EPC1: variants seen among roughly 807,000 people sequenced by gnomAD.
EPC1 encodes the protein enhancer of polycomb 1, also known as enhancer of polycomb homolog 1.
In EPC1, 12 loss-of-function variants were observed where a neutral mutation model predicts 98.4. The ratio of observed to expected loss-of-function variants is 0.12; its 90% confidence interval spans 0.08 to 0.20. The LOEUF (loss-of-function observed/expected upper bound fraction) is 0.20. Ranked by LOEUF, EPC1 falls within the 10% of genes least tolerant of loss-of-function variation. The probability of loss-of-function intolerance (pLI) is 1.00; values close to 1 mark genes in which losing one functional copy is unlikely to be tolerated. For missense variants in EPC1, 729 were observed against 990.5 expected, an observed-to-expected ratio of 0.74 and a Z score of 3.54; for synonymous variants, 357 against 363.9, an observed-to-expected ratio of 0.98 and a Z score of 0.21.
intron 1 of EPC1, among the ~76,000 whole-genome samples, chr10:32,366,144 C>G (rs895610041): frequency 1.3e-5 from 2 of 152,088 alleles, no homozygotes; most frequent in African/African-American, 4.8e-5. Context: ...AAAACAACAA[C>G]AACAACGACC....
chr10:32,345,564 T>C (rs1838714653), intron 1 of EPC1: 1 of 985,448 alleles, frequency 1.0e-6, no homozygotes, highest in Non-Finnish European at 1.2e-6. Context: ...TGGCTGTACC[T>C]GAAAACCAAG....
chr10:32,291,383 T>C (rs1834839558), intron 5 of EPC1, 61 bp from the exon 6 acceptor site: 3 of 1,288,876 alleles, frequency 2.3e-6, no homozygotes, highest in Non-Finnish European at 3.2e-6. Flanking sequence ...ATGTGATGTT[T>C]TGATATACAT....
At chr10:32,280,231 G>T (rs1836331334) in intron 10 of EPC1, among the ~76,000 whole-genome samples, 1 of 152,152 alleles carries the variant, frequency 6.6e-6, no homozygotes, top group African/African-American at 2.4e-5. Flanking sequence ...AAGGTAGGCG[G>T]ATCACTTGAG....
chr10:32,345,184 A>G (rs895856443), intron 1 of EPC1: 52 of 984,014 alleles, frequency 5.3e-5, no homozygotes, highest in Non-Finnish European at 5.9e-5. Flanking sequence ...ATGCTACTCT[A>G]AAGTTGATAC....
At chr10:32,295,510 C>G (rs1835100445) in intron 2 of EPC1, among the ~76,000 whole-genome samples, 1 of 152,180 alleles carries the variant, frequency 6.6e-6, no homozygotes, top group African/African-American at 2.4e-5. Context: ...GTTAACATCT[C>G]TGTACTCACA....
At chr10:32,329,195 G>A (rs1390654159) in intron 1 of EPC1, among the ~76,000 whole-genome samples, 1 of 152,194 alleles carries the variant, frequency 6.6e-6, no homozygotes, top group Non-Finnish European at 1.5e-5. Context: ...CTTCTGGCCA[G>A]AGCATCTTAA....
At chr10:32,346,637 G>A in intron 1 of EPC1, 126 bp downstream of exon 1, 1 of 975,002 alleles carries the variant, frequency 1.0e-6, no homozygotes, top group Non-Finnish European at 1.5e-6. Flanking sequence ...GGCCCGGCCG[G>A]CGACTGAGAG....
intron 13 of EPC1, 134 bp downstream of exon 13, chr10:32,271,420 C>A: frequency 9.8e-7 from 1 of 1,016,214 alleles, no homozygotes; most frequent in Non-Finnish European, 1.4e-6. Flanking sequence ...AATAAGTGAT[C>A]AATTCTCAAC....
chr10:32,329,374 T>C (rs1837501097), intron 1 of EPC1, among the ~76,000 whole-genome samples: 1 of 152,236 alleles, frequency 6.6e-6, no homozygotes, highest in African/African-American at 2.4e-5. Context: ...CAGAACTTTG[T>C]TGCAAAGCCA....
At chr10:32,309,397 A>G (rs1050920438) in intron 1 of EPC1, among the ~76,000 whole-genome samples, 9 of 152,124 alleles carry the variant, frequency 5.9e-5, no homozygotes, top group Non-Finnish European at 1.3e-4. Context: ...TACTCCCTAA[A>G]TATCTATACC....
intron 6 of EPC1, among the ~76,000 whole-genome samples, chr10:32,287,930 A>G (rs1836777546): frequency 6.6e-6 from 1 of 152,212 alleles, no homozygotes; most frequent in Admixed American, 6.5e-5. Flanking sequence ...GAGCTGATGG[A>G]ACACAGCATG....
chr10:32,346,749 G>A lies in EPC1; in HGVS notation c.153+14C>T, dbSNP rs374294523. On this transcript the variant is annotated intron_variant, in intron 1 of 13. Coordinates refer to ENST00000319778, the MANE Select transcript of EPC1 (RefSeq NM_001272004.3). ...GGGCCTGACGGTGGGTCGGACAGGG[G>A]AGTTAACACGTACCGACTCCTCTTC... 2.5e-6 allele frequency: 4 copies of A among 1,613,170 alleles called. No homozygotes were observed. In the South Asian group the frequency reaches 4.4e-5, roughly 18 times the overall value.
rs533993787 is a variant in EPC1, at chr10:32,267,888, G to A, written c.*1175C>T. The A allele has an allele frequency of 1.3e-5, 2 of 152,308 alleles. No individual in the cohort carries two copies. The highest frequency in any genetic ancestry group is 1.9e-4 in the East Asian group (1 of 5,182). 9.4% of individuals were successfully genotyped at this position (152,308 alleles called of 1,614,324 possible). Reference sequence around the variant, plus strand: ...AGACTTCGGTACTGACAAAGCACTAGTAGTAGTCTGTTAAGTACCATTCTC... The same window carrying A: ...AGACTTCGGTACTGACAAAGCACTAATAGTAGTCTGTTAAGTACCATTCTC... On this transcript the variant is annotated 3_prime_UTR_variant, in exon 14 of 14. Transcript: ENST00000319778.
chr10:32,378,541 T>A, exon 1 of EPC1: 1 of 1,483,032 alleles, frequency 6.7e-7, no homozygotes, highest in South Asian at 1.3e-5. Flanking sequence ...ATTGTAACAA[T>A]ATAGGCTGGA....
intron 2 of EPC1, among the ~76,000 whole-genome samples, chr10:32,296,804 G>C (rs1039888984): frequency 6.6e-6 from 1 of 152,066 alleles, no homozygotes; most frequent in Non-Finnish European, 1.5e-5. Context: ...CTACTCGGGA[G>C]GTTGAGGCAG....
intron 1 of EPC1, among the ~76,000 whole-genome samples, chr10:32,309,370 T>C (rs1836064713): frequency 6.6e-6 from 1 of 152,074 alleles, no homozygotes; most frequent in African/African-American, 2.4e-5. Context: ...TGTATGCCCC[T>C]ATCAAAACAT....
chr10:32,347,221 G>A (rs1283978616), upstream of EPC1: 4 of 1,226,480 alleles, frequency 3.3e-6, no homozygotes, highest in Admixed American at 4.3e-5. Context: ...GGGCACGCGG[G>A]CGGGGGGAGG....
intron 1 of EPC1, among the ~76,000 whole-genome samples, chr10:32,321,032 CTT>C (rs1314714863): frequency 1.3e-5 from 2 of 152,088 alleles, no homozygotes; most frequent in African/African-American, 4.8e-5. Flanking sequence ...ATAATGAGGT[CTT>C]TTTCAGTTAG....
intron 1 of EPC1, among the ~76,000 whole-genome samples, chr10:32,311,352 C>A (rs988840803): frequency 8.6e-5 from 13 of 151,656 alleles, no homozygotes; most frequent in Non-Finnish European, 1.6e-4. Flanking sequence ...GAAAATACTA[C>A]AAAATATTGC....
Sources: allele counts gnomAD v4.1 joint callset (sites outside exome capture counted in the v4.1 genomes callset), GRCh38; gene constraint gnomAD v4.1.1; transcripts MANE v1.5; gene names NCBI Gene and HGNC (gene_info 2026-07-23, HGNC 2026-07-21).